Variants in CDH4 observed in about 807,000 individuals in gnomAD.
CDH4 encodes the protein cadherin-4.
In CDH4, 33 loss-of-function variants were observed where a neutral mutation model predicts 86.0. The ratio of observed to expected loss-of-function variants is 0.38; its 90% confidence interval spans 0.29 to 0.51. The LOEUF is 0.51. Among genes scored for constraint, CDH4 ranks in the 20% least tolerant of loss-of-function variants. The pLI is 0.86. For missense variants in CDH4, 1,114 were observed against 1,307.4 expected (o/e 0.85, Z 2.28); for synonymous variants, 555 against 549.4 (o/e 1.01, Z -0.14).
chr20:61,646,653 A>G (rs555701538), intron 2 of CDH4, among the ~76,000 whole-genome samples: 1 of 152,370 alleles, frequency 6.6e-6, no homozygotes, highest in South Asian at 2.1e-4. Context: ...TCCTGCAGGC[A>G]GGTGAGGGCT....
chr20:61,742,608 G>C (rs6061786), intron 2 of CDH4, among the ~76,000 whole-genome samples: 32,800 of 152,014 alleles, frequency 0.22, 4,230 homozygotes, highest in African/African-American at 0.36. Flanking sequence ...TTTATAAATA[G>C]GAGTTAACTT....
intron 3 of CDH4, among the ~76,000 whole-genome samples, chr20:61,762,815 C>T (rs748083684): frequency 2.0e-5 from 3 of 152,246 alleles, no homozygotes; most frequent in African/African-American, 7.2e-5. Flanking sequence ...CAAAGAGCCA[C>T]TTTCTTGGGT....
At chr20:61,347,271 C>G (rs562391102) in intron 2 of CDH4, among the ~76,000 whole-genome samples, 7 of 152,208 alleles carry the variant, frequency 4.6e-5, no homozygotes, top group Non-Finnish European at 8.8e-5. Flanking sequence ...AATGCTTGCT[C>G]CACACATTTT....
intron 2 of CDH4, among the ~76,000 whole-genome samples, chr20:61,434,132 A>G (rs1283884544): frequency 6.6e-6 from 1 of 152,208 alleles, no homozygotes. Context: ...ACCTTGGAGT[A>G]TCACAGGTCA....
At chr20:61,579,738 T>C (rs2086411427) in intron 2 of CDH4, among the ~76,000 whole-genome samples, 1 of 152,150 alleles carries the variant, frequency 6.6e-6, no homozygotes. Flanking sequence ...CTTGTGGAGT[T>C]GGATTGAGCT....
At chr20:61,316,795 C>T (rs924187718) in intron 2 of CDH4, among the ~76,000 whole-genome samples, 5 of 152,112 alleles carry the variant, frequency 3.3e-5, no homozygotes, top group African/African-American at 9.7e-5. Context: ...TCTGAGTCAT[C>T]GTTGCCCAGA....
At chr20:61,405,592 A>G (rs1053974362) in intron 2 of CDH4, among the ~76,000 whole-genome samples, 1 of 152,294 alleles carries the variant, frequency 6.6e-6, no homozygotes, top group African/African-American at 2.4e-5. Flanking sequence ...AGGCTGAAGT[A>G]GAAATAGAAC....
chr20:61,451,924 A>G (rs545930908), intron 2 of CDH4, among the ~76,000 whole-genome samples: 51 of 152,250 alleles, frequency 3.3e-4, no homozygotes, highest in Non-Finnish European at 5.9e-4. Flanking sequence ...ACCACTGGAA[A>G]ATTAATTATC....
intron 2 of CDH4, among the ~76,000 whole-genome samples, chr20:61,344,170 G>A (rs572404761): frequency 2.0e-5 from 3 of 152,112 alleles, no homozygotes; most frequent in Admixed American, 6.5e-5. Flanking sequence ...GGCTGGCCTC[G>A]AAGGGCGAGT....
chr20:61,736,607 G>GAGGA (rs1193318865), intron 2 of CDH4, among the ~76,000 whole-genome samples: 5 of 151,796 alleles, frequency 3.3e-5, no homozygotes, highest in Admixed American at 3.3e-4. Flanking sequence ...GAGAGGGAGG[G>GAGGA]AGGAAGGAAG....
intron 2 of CDH4, among the ~76,000 whole-genome samples, chr20:61,319,963 A>C (rs1051248586): frequency 5.3e-5 from 8 of 152,120 alleles, no homozygotes; most frequent in African/African-American, 1.9e-4. Flanking sequence ...TAAAAAAAAA[A>C]AAAAATGGTG....
At chr20:61,783,431 G>A (rs1000224225) in intron 4 of CDH4, among the ~76,000 whole-genome samples, 6 of 152,124 alleles carry the variant, frequency 3.9e-5, no homozygotes, top group Non-Finnish European at 8.8e-5. Context: ...CCTCCAATAC[G>A]TGAGAGAAAT....
chr20:61,821,118 C>A (rs1428249733), intron 4 of CDH4, among the ~76,000 whole-genome samples: 2 of 151,492 alleles, frequency 1.3e-5, no homozygotes, highest in Non-Finnish European at 2.9e-5. Context: ...CCCTACCCAG[C>A]CTCCACCTCC....
At position 61,758,469 on chromosome 20, in the gene CDH4, T is replaced by C. The variant is rs1052368491; in HGVS notation, c.397-14534T>C. Among the ~76,000 whole-genome samples, 11 of 152,226 alleles carry C rather than the reference T, an allele frequency of 7.2e-5. No individual in the cohort carries two copies. In the East Asian group the frequency reaches 2.1e-3, roughly 30 times the overall value. ...TGTCTGTCCTGACGCAATCGGAGGC[T>C]CAAGGGCTTTCCCAGAATTGCCACG... On this transcript the variant is annotated intron_variant, in intron 3 of 15. Coordinates refer to ENST00000614565, the MANE Select transcript of CDH4 (RefSeq NM_001794.5).
chr20:61,434,014 A>G (rs963589294), intron 2 of CDH4, among the ~76,000 whole-genome samples: 1 of 152,128 alleles, frequency 6.6e-6, no homozygotes, highest in Non-Finnish European at 1.5e-5. Context: ...CCCATGGCGC[A>G]TGGCTGACGT....
intron 2 of CDH4, among the ~76,000 whole-genome samples, chr20:61,613,867 G>A (rs2086705005): frequency 6.6e-6 from 1 of 151,934 alleles, no homozygotes; most frequent in African/African-American, 2.4e-5. Context: ...GGGGGGCTTT[G>A]GGGAGGAGCT....
intron 2 of CDH4, among the ~76,000 whole-genome samples, chr20:61,457,740 G>A (rs1184164252): frequency 6.6e-6 from 1 of 151,518 alleles, no homozygotes; most frequent in Non-Finnish European, 1.5e-5. Flanking sequence ...CACTGGTGGT[G>A]GCGGTGGTGG....
intron 2 of CDH4, among the ~76,000 whole-genome samples, chr20:61,600,745 CTA>C (rs2086594071): frequency 6.6e-6 from 1 of 152,212 alleles, no homozygotes; most frequent in Non-Finnish European, 1.5e-5. Context: ...TAAATCAACT[CTA>C]GATTACTTAT....
chr20:61,936,656 T>G, intron 15 of CDH4, 81 bp from the exon 16 acceptor site: 1 of 1,201,382 alleles, frequency 8.3e-7, no homozygotes, highest in South Asian at 1.8e-5. Context: ...CCTCTTCTTC[T>G]GGGCCTCGCT....
Sources: allele counts gnomAD v4.1 joint callset (sites outside exome capture counted in the v4.1 genomes callset), GRCh38; gene constraint gnomAD v4.1.1; transcripts MANE v1.5; gene names NCBI Gene and HGNC (gene_info 2026-07-23, HGNC 2026-07-21).